ZNF689: variants seen among roughly 807,000 people sequenced by gnomAD.
The protein encoded by ZNF689 is short ORF-encoded histone-binding protein.
In ZNF689, 14 loss-of-function variants were observed where a neutral mutation model predicts 37.2. The ratio of observed to expected loss-of-function variants is 0.38; its 90% confidence interval spans 0.25 to 0.59. The LOEUF is 0.59. Ranked by LOEUF, ZNF689 falls within the 20% of genes least tolerant of loss-of-function variation. The pLI, the probability that ZNF689 is intolerant of heterozygous loss-of-function variation, is 0.68. For synonymous variants in ZNF689, 277 were observed against 283.3 expected (o/e 0.98, Z 0.22); for missense variants, 573 against 700.2 (o/e 0.82, Z 2.05).
Position 30,610,073 on chromosome 16 carries a change from G to C in ZNF689, c.-32C>G, listed in dbSNP as rs1282699725. The C allele has an allele frequency of 6.4e-7, 1 of 1,557,126 alleles. No individual in the cohort carries two copies. Among genetic ancestry groups the C allele is most frequent in the African/African-American group, 1.4e-5 (1 of 73,426 alleles). On this transcript the variant is annotated 5_prime_UTR_variant, in exon 1 of 3. Coordinates refer to ENST00000287461, the MANE Select transcript of ZNF689 (RefSeq NM_138447.3). The stretch of plus-strand genomic sequence containing the variant: ...CGAGAAGCCGGCGCCACGGCCTTCC[G>C]TGTCCAGGCCTCGGCCCTCGGGCGC...
In ZNF689 at chr16:30,605,784, CCT is replaced by C. The variant is rs991955568; in HGVS notation, c.320-339_320-338del. On this transcript the variant is annotated intron_variant, in intron 2 of 2. Coordinates refer to ENST00000287461, the MANE Select transcript of ZNF689 (RefSeq NM_138447.3). This position sits in a 1 kb window ranked among gnomAD's most constrained non-coding sequence, Gnocchi z 5.1. ...AGCAGCCTGACCAACATGGTGAAAC[CCT>C]GTTTCTACTAAAAATACAAAAATTA... Among the ~76,000 whole-genome samples the C allele has an allele frequency of 1.3e-5, 2 of 152,000 alleles. No individual in the cohort carries two copies. Among genetic ancestry groups the C allele is most frequent in the Non-Finnish European group, 1.5e-5 (1 of 67,982 alleles).
Position 30,604,661 on chromosome 16 carries a change from C to T in ZNF689, c.1106G>A (p.Gly369Glu). The T allele has an allele frequency of 6.2e-7, 1 of 1,611,348 alleles. No individual in the cohort carries two copies. The change falls in exon 3 of 3, where the codon GGA becomes GAA. Residue 369 changes from glycine (G) to glutamate (E), a missense_variant. By Grantham distance (98) the Gly-to-Glu change is moderately conservative. This residue lies in a region of ZNF689 where 317 missense variants were observed against 367.1 expected (regional missense o/e 0.86). Coordinates refer to ENST00000287461, the MANE Select transcript of ZNF689 (RefSeq NM_138447.3). This position sits in a 1 kb window ranked among gnomAD's most constrained non-coding sequence, Gnocchi z 5.2. The part of the protein sequence containing the change: ...TLLQHQLLHT[G>E]EKPYPCPDCG... ...GTCTGGGCAGGGGTAGGGCTTCTCT[C>T]CGGTGTGCAAGAGCTGGTGCTGGAG...
Position 30,604,913 on chromosome 16 carries a change from C to A in ZNF689, c.854G>T (p.Gly285Val). The A allele has an allele frequency of 6.3e-7, 1 of 1,575,452 alleles. No homozygotes were observed. The highest frequency in any genetic ancestry group is 8.6e-7 in the Non-Finnish European group (1 of 1,160,196). The change falls in exon 3 of 3, where the codon GGA becomes GTA. Residue 285 changes from glycine (G) to valine (V), a missense_variant. By Grantham distance (109) the Gly-to-Val change is moderately radical. Coordinates refer to ENST00000287461, the MANE Select transcript of ZNF689 (RefSeq NM_138447.3). This position sits in a 1 kb window ranked among gnomAD's most constrained non-coding sequence, Gnocchi z 5.2. ...LLAIHQRTHT[G>V]EKPYTCLECN... The stretch of plus-strand genomic sequence containing the variant: ...CTCGAGGCAAGTGTAGGGCTTCTCT[C>A]CCGTGTGTGTACGCTGGTGGATGGC...
intron 2 of ZNF689, chr16:30,608,410 G>C (rs1281576151): frequency 6.6e-6 from 1 of 152,014 alleles, no homozygotes; most frequent in African/African-American, 2.4e-5. Flanking sequence ...CTCCTGAGTA[G>C]CTGGAATTAC....
Position 30,604,854 on chromosome 16 carries a change from C to T in ZNF689, c.913G>A (p.Val305Ile), listed in dbSNP as rs867631918. ...CCCGTGTGGATGCGCTGGTGGATGA[C>T]GAGGGCCGTGCGCTGGCGGAAGCGG... The part of the protein sequence containing the change: ...NRRFRQRTAL[V>I]IHQRIHTGEK... Residue 305 changes from valine to isoleucine, a missense_variant, in exon 3 of 3, where the codon GTC (valine) becomes ATC (isoleucine). Transcript: ENST00000287461. This position sits in a 1 kb window ranked among gnomAD's most constrained non-coding sequence, Gnocchi z 5.2. 1.3e-6 allele frequency: 2 copies of T among 1,595,240 alleles called. No individual in the cohort carries two copies.
intron 2 of ZNF689, among the ~76,000 whole-genome samples, chr16:30,606,494 CCTTT>C (rs969068879): frequency 6.6e-6 from 1 of 151,886 alleles, no homozygotes; most frequent in African/African-American, 2.4e-5. Flanking sequence ...CTCTTCCCCA[CCTTT>C]CTTTTTTTTT....
rs1239193924 is a variant in ZNF689, at chr16:30,610,041, T to TGGGACCCGAGAAGCCGGCGCCAC, written c.-23_-1dup. 6.3e-7 allele frequency: 1 copy of TGGGACCCGAGAAGCCGGCGCCAC among 1,589,394 alleles called. No individual in the cohort carries two copies. Among genetic ancestry groups the TGGGACCCGAGAAGCCGGCGCCAC allele is most frequent in the African/African-American group, 1.3e-5 (1 of 74,444 alleles). On this transcript the variant is annotated 5_prime_UTR_variant, in exon 1 of 3. Coordinates refer to ENST00000287461, the MANE Select transcript of ZNF689 (RefSeq NM_138447.3). ...GGGAGCGGAGCCGAAGGTGGCGCCA[T>TGGGACCCGAGAAGCCGGCGCCAC]GGGACCCGAGAAGCCGGCGCCACGG...
rs1020192730 is a variant in ZNF689, at chr16:30,610,128, C to T, written c.-87G>A. 4.1e-6 allele frequency: 6 copies of T among 1,453,874 alleles called. No homozygotes were observed. In the African/African-American group the frequency reaches 8.5e-5, roughly 21 times the overall value. The allele number at this position is 1,453,874 out of a possible 1,614,324, so 90.1% of individuals were successfully genotyped here. ...GGCCCCTGGGATCGAGGAGCCCCTG[C>T]CGGACCAGGGCTGAGCGTGGCCGGG... On this transcript the variant is annotated 5_prime_UTR_variant, in exon 1 of 3. Transcript: ENST00000287461.
chr16:30,609,644 GA>G lies in ZNF689; in HGVS notation c.206-7del. The G allele has an allele frequency of 6.2e-7, 1 of 1,613,922 alleles. No homozygotes were observed. On this transcript the variant is annotated splice_region_variant and splice_polypyrimidine_tract_variant and intron_variant, in intron 1 of 2. Coordinates refer to ENST00000287461, the MANE Select transcript of ZNF689 (RefSeq NM_138447.3). Reference sequence around the variant, plus strand: ...TGGTTTGGGACCTGCGCACCCTGGGGAAAGAGAACAAATCAGAAGGCCAGCT... The same window carrying G: ...TGGTTTGGGACCTGCGCACCCTGGGGAAGAGAACAAATCAGAAGGCCAGCT...
chr16:30,610,155 A>G lies in ZNF689; in HGVS notation c.-114T>C. On this transcript the variant is annotated 5_prime_UTR_variant, in exon 1 of 3. Coordinates refer to ENST00000287461, the MANE Select transcript of ZNF689 (RefSeq NM_138447.3). ...GGACCAGGGCTGAGCGTGGCCGGGG[A>G]GGCCCGGAGGGAATCGGAATTGGTC... The G allele has an allele frequency of 4.7e-6, 6 of 1,271,578 alleles. No individual in the cohort carries two copies. The highest frequency in any genetic ancestry group is 6.3e-6 in the Non-Finnish European group (6 of 947,244). The allele number at this position is 1,271,578 out of a possible 1,614,324, so 78.8% of individuals were successfully genotyped here. A position where few individuals can be genotyped will look rare whatever the true frequency, so the allele number is the denominator to read the frequency against.
In ZNF689 at chr16:30,606,504, T is replaced by A. The variant is rs972348994; in HGVS notation, c.320-1057A>T. ...ATGTTCTCTTCCCCACCTTTCTTTTTTTTTTTCTTTTTTGAGACAGAGTCA... is the reference window on the plus strand; with the variant it reads ...ATGTTCTCTTCCCCACCTTTCTTTTATTTTTTCTTTTTTGAGACAGAGTCA... On this transcript the variant is annotated intron_variant, in intron 2 of 2. Transcript: ENST00000287461. Among the ~76,000 whole-genome samples, 6 of 152,168 alleles carry A rather than the reference T, an allele frequency of 3.9e-5. No individual in the cohort carries two copies. In the East Asian group the frequency reaches 1.2e-3, roughly 29 times the overall value.
chr16:30,604,245 G>C lies in ZNF689; in HGVS notation c.*19C>G, dbSNP rs1375070033. On this transcript the variant is annotated 3_prime_UTR_variant, in exon 3 of 3. Transcript: ENST00000287461. This position sits in a 1 kb window ranked among gnomAD's most constrained non-coding sequence, Gnocchi z 5.2. Reference sequence around the variant, plus strand: ...GGACCCTCCATAAAATGAAATGAACGTAGGCAGTCCTTCCCCTTCTAATGG... The same window carrying C: ...GGACCCTCCATAAAATGAAATGAACCTAGGCAGTCCTTCCCCTTCTAATGG... 1.2e-6 allele frequency: 2 copies of C among 1,612,788 alleles called. No individual in the cohort carries two copies. Among genetic ancestry groups the C allele is most frequent in the Non-Finnish European group, 1.7e-6 (2 of 1,178,998 alleles).
chr16:30,610,019 A>T lies in ZNF689; in HGVS notation c.23T>A (p.Leu8His), dbSNP rs757663738. The T allele has an allele frequency of 7.5e-6, 12 of 1,601,040 alleles. 1 individual carries two copies. The South Asian group carries it at 1.3e-4, about 18-fold the overall frequency. MAPPSAP[L>H]PAQGPGKARP... ...GGCCTTTCCTGGTCCCTGCGCAGGG[A>T]GCGGAGCCGAAGGTGGCGCCATGGG... The change falls in exon 1 of 3, where the codon CTC becomes CAC. Residue 8 changes from leucine to histidine, a missense_variant. This residue lies in a region of ZNF689 where 252 missense variants were observed against 313.3 expected (regional missense o/e 0.80). Transcript: ENST00000287461.
chr16:30,604,161 A>C lies in ZNF689; in HGVS notation c.*103T>G. The C allele has an allele frequency of 2.5e-6, 3 of 1,220,360 alleles. No homozygotes were observed. The highest frequency in any genetic ancestry group is 1.5e-5 in the African/African-American group (1 of 65,832). The allele number at this position is 1,220,360 out of a possible 1,614,324, so 75.6% of individuals were successfully genotyped here. A position where few individuals can be genotyped will look rare whatever the true frequency, so the allele number is the denominator to read the frequency against. On this transcript the variant is annotated 3_prime_UTR_variant, in exon 3 of 3. Coordinates refer to ENST00000287461, the MANE Select transcript of ZNF689 (RefSeq NM_138447.3). This position sits in a 1 kb window ranked among gnomAD's most constrained non-coding sequence, Gnocchi z 5.2. ...AAAGTTCAGCTCTGTGCAGCAGGAG[A>C]CCCGGGTTTAGTTCTGACTCTGCCC...
Position 30,605,818 on chromosome 16 carries a change from C to T in ZNF689, c.320-371G>A, listed in dbSNP as rs1292523470. On this transcript the variant is annotated intron_variant, in intron 2 of 2. Transcript: ENST00000287461. This position sits in a 1 kb window ranked among gnomAD's most constrained non-coding sequence, Gnocchi z 5.1. ...ACTAAAAATACAAAAATTAGCCGGG[C>T]GTGGTGGCACGCACCTGTAATCCCA... Among the ~76,000 whole-genome samples, 1 of 151,944 alleles carries T rather than the reference C, an allele frequency of 6.6e-6. No individual in the cohort carries two copies. The highest frequency in any genetic ancestry group is 1.5e-5 in the Non-Finnish European group (1 of 67,994).
chr16:30,605,354 G>C lies in ZNF689; in HGVS notation c.413C>G (p.Pro138Arg). The C allele has an allele frequency of 6.2e-7, 1 of 1,613,932 alleles. No homozygotes were observed. Among genetic ancestry groups the C allele is most frequent in the Non-Finnish European group, 8.5e-7 (1 of 1,179,910 alleles). The change falls in exon 3 of 3, where the codon CCC (proline) becomes CGC (arginine). Residue 138 changes from proline to arginine, a missense_variant. By Grantham distance (103) the Pro-to-Arg change is moderately radical. Coordinates refer to ENST00000287461, the MANE Select transcript of ZNF689 (RefSeq NM_138447.3). This position sits in a 1 kb window ranked among gnomAD's most constrained non-coding sequence, Gnocchi z 5.1. The part of the protein sequence containing the change: ...KGKRGRRPSK[P>R]RLIPRQTSGG... ...GGACGTCTGCCTAGGAATCAGTCGGGGTTTGCTGGGCCTCCGGCCTCGCTT... is the reference window on the plus strand; with the variant it reads ...GGACGTCTGCCTAGGAATCAGTCGGCGTTTGCTGGGCCTCCGGCCTCGCTT...
rs371650898 is a variant in ZNF689 at position 30,605,062 on chromosome 16, G to A, written c.705C>T (p.Cys235=). Residue 235 remains cysteine, a synonymous_variant, in exon 3 of 3, where the codon TGC becomes TGT. Coordinates refer to ENST00000287461, the MANE Select transcript of ZNF689 (RefSeq NM_138447.3). The surrounding 1 kb of genome is among the most constrained non-coding windows in gnomAD (Gnocchi z 5.1). The part of the protein sequence containing the change: ...VIHTGEKPYH[C]PDCGRCFRRS... ...TCCGGAAGCAGCGACCACAGTCAGG[G>A]CAGTGATAGGGCTTCTCCCCTGTAT... The A allele has an allele frequency of 2.2e-5, 35 of 1,614,130 alleles. No individual in the cohort carries two copies. The African/African-American group carries it at 3.1e-4, about 14-fold the overall frequency.
chr16:30,604,825 C>T lies in ZNF689; in HGVS notation c.942G>A (p.Glu314=). 1 of 1,605,996 alleles carries T rather than the reference C, an allele frequency of 6.2e-7. No homozygotes were observed. The highest frequency in any genetic ancestry group is 8.5e-7 in the Non-Finnish European group (1 of 1,175,912). Residue 314 remains glutamate (E), a synonymous_variant, in exon 3 of 3, where the codon GAG becomes GAA. Coordinates refer to ENST00000287461, the MANE Select transcript of ZNF689 (RefSeq NM_138447.3). This position sits in a 1 kb window ranked among gnomAD's most constrained non-coding sequence, Gnocchi z 5.2. ...LVIHQRIHTG[E]KPYPCPDCER... is the part of the protein sequence containing the mutation. ...CGCAGTCCGGGCACGGGTAGGGCTT[C>T]TCGCCCGTGTGGATGCGCTGGTGGA...
intron 2 of ZNF689, among the ~76,000 whole-genome samples, chr16:30,607,349 T>C (rs572386548): frequency 4.0e-4 from 60 of 149,674 alleles, no homozygotes; most frequent in Non-Finnish European, 6.4e-4. Context: ...TCCCAGCACT[T>C]TGGGAGGCCA....
Sources: gnomAD v4.1 joint callset for allele counts (sites outside exome capture counted in the v4.1 genomes callset) on GRCh38, gnomAD v4.1.1 for gene constraint, gnomAD v4.1.1 regional missense constraint, Gnocchi (gnomAD v3.1) non-coding constraint, MANE v1.5 for transcripts, NCBI Gene and HGNC (gene_info 2026-07-23, HGNC 2026-07-21) for gene names.